The following NCSTN variants were observed in gnomAD, a reference collection of about 807,000 sequenced individuals.
NCSTN encodes the protein nicastrin.
A neutral mutation model predicts 87.0 loss-of-function variants in NCSTN; 22 were observed. The ratio of observed to expected loss-of-function variants is 0.25; its 90% CI spans 0.18 to 0.36. The LOEUF (loss-of-function observed/expected upper bound fraction) is 0.36. NCSTN is among the 10% of genes least tolerant of loss of function. The pLI, the probability that NCSTN is intolerant of heterozygous loss-of-function variation, is 1.00. For synonymous variants in NCSTN, 306 were observed against 327.1 expected, an observed-to-expected ratio of 0.94 and a Z score of 0.69; for missense variants, 693 against 883.3, an observed-to-expected ratio of 0.78 and a Z score of 2.73.
chr1:160,355,997 C>T, intron 13 of NCSTN, 39 bp downstream of exon 13: 1 of 1,541,118 alleles, frequency 6.5e-7, no homozygotes, highest in Non-Finnish European at 9.0e-7. Context: ...TCTATTTACA[C>T]AGCAAGCTGT....
chr1:160,345,957 A>AAG (rs1648466558), intron 2 of NCSTN, among the ~76,000 whole-genome samples: 2 of 151,366 alleles, frequency 1.3e-5, no homozygotes, highest in Non-Finnish European at 2.9e-5. Context: ...AAAAAAAAAA[A>AAG]AAAAGAAAAT....
rs1034696842 is a variant in NCSTN, at chr1:160,351,183, C to T, written c.583-39C>T. Reference sequence around the variant, plus strand: ...TCTGGGATGTAAGGGAGGGCCTCCACAAACTAGCTGTCTCAGTGGGGTCCA... The same window carrying T: ...TCTGGGATGTAAGGGAGGGCCTCCATAAACTAGCTGTCTCAGTGGGGTCCA... On this transcript the variant is annotated intron_variant, in intron 5 of 16. Coordinates refer to ENST00000294785, the MANE Select transcript of NCSTN (RefSeq NM_015331.3). 7.4e-6 allele frequency: 12 copies of T among 1,612,970 alleles called. No individual in the cohort carries two copies. In the African/African-American group the frequency reaches 9.3e-5, roughly 13 times the overall value.
chr1:160,349,186 C>T (rs997192808), intron 3 of NCSTN, 64 bp downstream of exon 3: 9 of 1,604,338 alleles, frequency 5.6e-6, no homozygotes, highest in South Asian at 5.5e-5. Flanking sequence ...GAACAGTCCT[C>T]ACACTTATTA....
rs201357529 is a variant in NCSTN, at chr1:160,343,405, G to A, written c.9G>A (p.Thr3=). The A allele has an allele frequency of 5.6e-6, 9 of 1,612,786 alleles. No homozygotes were observed. The highest frequency in any genetic ancestry group is 7.6e-6 in the Non-Finnish European group (9 of 1,179,724). The change falls in exon 1 of 17, where the codon ACG becomes ACA. Residue 3 remains threonine, a synonymous_variant. Coordinates refer to ENST00000294785, the MANE Select transcript of NCSTN (RefSeq NM_015331.3). MA[T]AGGGSGADPG... ...CTCAGCAGAGAGGCAAGATGGCTAC[G>A]GCAGGGGGTGGCTCTGGGGCTGACC...
intron 2 of NCSTN, among the ~76,000 whole-genome samples, chr1:160,347,615 T>C (rs372273681): frequency 6.6e-6 from 1 of 151,156 alleles, no homozygotes; most frequent in Non-Finnish European, 1.5e-5. Context: ...AGTTTTGGGG[T>C]GTGTGTGTGT....
chr1:160,343,605 C>G (rs186576853), intron 1 of NCSTN, 124 bp downstream of exon 1: 4 of 957,320 alleles, frequency 4.2e-6, no homozygotes, highest in Non-Finnish European at 6.6e-6. Flanking sequence ...TGTAAATCCT[C>G]TTTCTTTTTC....
At chr1:160,349,704 TCAC>T (rs749655350) in intron 4 of NCSTN, 34 bp downstream of exon 4, 1 of 1,612,158 alleles carries the variant, frequency 6.2e-7, no homozygotes, top group South Asian at 1.1e-5. Context: ...GAGCCTACTG[TCAC>T]CTAAGGCTCA....
At chr1:160,345,803 C>T (rs1648449932) in intron 2 of NCSTN, among the ~76,000 whole-genome samples, 1 of 151,122 alleles carries the variant, frequency 6.6e-6, no homozygotes, top group African/African-American at 2.4e-5. Context: ...CGGCTGGCTG[C>T]TATGGCATGC....
At chr1:160,353,536 CA>C (rs1648980947) in intron 10 of NCSTN, 1 of 1,294,436 alleles carries the variant, frequency 7.7e-7, no homozygotes, top group African/African-American at 1.5e-5. Context: ...CTTGCTGCCC[CA>C]TGGATCCAAT....
In NCSTN at chr1:160,358,450, C is replaced by A; in HGVS notation, c.*179C>A. ...GAGAAATAAATAAATTGCCTCCCTTCCTCCGCTCCCCTTTCCCATCACCCC... is the reference window on the plus strand; with the variant it reads ...GAGAAATAAATAAATTGCCTCCCTTACTCCGCTCCCCTTTCCCATCACCCC... On this transcript the variant is annotated 3_prime_UTR_variant, in exon 17 of 17. Coordinates refer to ENST00000294785, the MANE Select transcript of NCSTN (RefSeq NM_015331.3). 1 of 765,206 alleles carries A rather than the reference C, an allele frequency of 1.3e-6. No individual in the cohort carries two copies. The highest frequency in any genetic ancestry group is 2.2e-6 in the Non-Finnish European group (1 of 456,524). The allele number at this position is 765,206 out of a possible 1,614,324, so 47.4% of individuals were successfully genotyped here. A position where few individuals can be genotyped will look rare whatever the true frequency, so the allele number is the denominator to read the frequency against.
intron 11 of NCSTN, among the ~76,000 whole-genome samples, chr1:160,354,491 TC>T (rs1217930728): frequency 6.6e-6 from 1 of 152,214 alleles, no homozygotes; most frequent in Non-Finnish European, 1.5e-5. Context: ...TAGAAACTCA[TC>T]CTCACCCTTA....
chr1:160,358,467 C>T lies in NCSTN; in HGVS notation c.*196C>T, dbSNP rs41266889. 2,840 of 696,204 alleles carry T rather than the reference C, an allele frequency of 4.1e-3. 16 individuals carry two copies. The highest frequency in any genetic ancestry group is 5.4e-3 in the Admixed American group (242 of 44,746). 43.1% of individuals were successfully genotyped at this position (696,204 alleles called of 1,614,324 possible). A position where few individuals can be genotyped will look rare whatever the true frequency, so the allele number is the denominator to read the frequency against. On this transcript the variant is annotated 3_prime_UTR_variant, in exon 17 of 17. Transcript: ENST00000294785. ...CCTCCCTTCCTCCGCTCCCCTTTCC[C>T]ATCACCCCTTCCCCATTTCCTCTTC...
intron 4 of NCSTN, 121 bp from the exon 5 acceptor site, chr1:160,349,984 T>C (rs1648747039): frequency 8.0e-7 from 1 of 1,255,434 alleles, no homozygotes; most frequent in Non-Finnish European, 1.2e-6. Flanking sequence ...GCCTACTTCT[T>C]TGAGTCACCA....
intron 12 of NCSTN, 49 bp from the exon 13 acceptor site, chr1:160,355,814 T>C (rs1649095972): frequency 1.2e-6 from 2 of 1,603,248 alleles, no homozygotes; most frequent in Non-Finnish European, 1.7e-6. Flanking sequence ...ATGCTAGCAT[T>C]TGAGGATAGG....
At chr1:160,345,870 C>T (rs940438596) in intron 2 of NCSTN, among the ~76,000 whole-genome samples, 8 of 122,526 alleles carry the variant, frequency 6.5e-5, no homozygotes, top group Non-Finnish European at 1.1e-4. Flanking sequence ...GCCCAGGAGG[C>T]GGAGGTTGCA....
chr1:160,350,095 T>C lies in NCSTN; in HGVS notation c.437-10T>C. 1.2e-6 allele frequency: 2 copies of C among 1,613,790 alleles called. No individual in the cohort carries two copies. The highest frequency in any genetic ancestry group is 1.7e-6 in the Non-Finnish European group (2 of 1,179,708). On this transcript the variant is annotated splice_polypyrimidine_tract_variant and intron_variant, in intron 4 of 16. Transcript: ENST00000294785. ...TAACCAGTCCCCCTATTCCCCATCC[T>C]TCCCTTCAGGTGTTTACTCCAATTC...
In NCSTN at chr1:160,343,689, C is replaced by G. The variant is rs894576438; in HGVS notation, c.85+208C>G. 22 of 714,096 alleles carry G rather than the reference C, an allele frequency of 3.1e-5. No homozygotes were observed. The African/African-American group carries it at 3.9e-4, about 13-fold the overall frequency. 44.2% of individuals were successfully genotyped at this position (714,096 alleles called of 1,614,324 possible). A position where few individuals can be genotyped will look rare whatever the true frequency, so the allele number is the denominator to read the frequency against. ...TCCCCCGCAGCACGTCGTGTCGCTTCACTCCCTTCTCTAGGCCTCTTCCTG... is the reference window on the plus strand; with the variant it reads ...TCCCCCGCAGCACGTCGTGTCGCTTGACTCCCTTCTCTAGGCCTCTTCCTG... On this transcript the variant is annotated intron_variant, in intron 1 of 16. Coordinates refer to ENST00000294785, the MANE Select transcript of NCSTN (RefSeq NM_015331.3).
chr1:160,348,749 C>CA (rs1248285424), intron 2 of NCSTN, among the ~76,000 whole-genome samples: 5 of 151,942 alleles, frequency 3.3e-5, no homozygotes, highest in African/African-American at 4.8e-5. Flanking sequence ...GGGCAGAGGG[C>CA]AAAAAAATGA....
intron 5 of NCSTN, among the ~76,000 whole-genome samples, 163 bp from the exon 6 acceptor site, chr1:160,351,059 A>G (rs1648809344): frequency 6.6e-6 from 1 of 152,182 alleles, no homozygotes; most frequent in Non-Finnish European, 1.5e-5. Flanking sequence ...TTGACCTTAT[A>G]GATCCTATGG....
Sources: allele counts gnomAD v4.1 joint callset (sites outside exome capture counted in the v4.1 genomes callset), GRCh38; gene constraint gnomAD v4.1.1; transcripts MANE v1.5; gene names NCBI Gene and HGNC (gene_info 2026-07-23, HGNC 2026-07-21).